Variants in C1orf87 observed in about 807,000 individuals in gnomAD.
C1orf87 encodes uncharacterized protein C1orf87.
In C1orf87, 58 loss-of-function variants were observed where a neutral mutation model predicts 60.5. The ratio of observed to expected loss-of-function variants is 0.96; its 90% CI spans 0.78 to 1.19. The LOEUF is 1.19. Ranked by LOEUF, C1orf87 falls within the 50% of genes most tolerant of loss-of-function variation. The pLI is 0.00. For missense variants in C1orf87, 673 were observed against 638.6 expected (o/e 1.05, Z -0.58); for synonymous variants, 236 against 227.4 (o/e 1.04, Z -0.34).
At chr1:60,004,184 C>A (rs1191519386) in intron 9 of C1orf87, among the ~76,000 whole-genome samples, 1 of 151,998 alleles carries the variant, frequency 6.6e-6, no homozygotes, top group East Asian at 1.9e-4. Context: ...AACAGACAGA[C>A]CTAACATCTA....
chr1:60,062,455 A>ACACAGTATC (rs1557480723), intron 2 of C1orf87, among the ~76,000 whole-genome samples: 4 of 152,206 alleles, frequency 2.6e-5, no homozygotes, highest in African/African-American at 9.6e-5. Context: ...ACTTTAAAAA[A>ACACAGTATC]CACAGTATCA....
intron 11 of C1orf87, among the ~76,000 whole-genome samples, chr1:59,992,279 AG>A (rs1239463083): frequency 6.6e-6 from 1 of 151,286 alleles, no homozygotes; most frequent in Non-Finnish European, 1.5e-5. Context: ...ATTTTGAGAC[AG>A]GGTCTTACTC....
intron 10 of C1orf87, among the ~76,000 whole-genome samples, chr1:59,999,723 G>A (rs1313435924): frequency 6.6e-6 from 1 of 152,016 alleles, no homozygotes; most frequent in Non-Finnish European, 1.5e-5. Flanking sequence ...TCTAGTTATT[G>A]CTTATCTACC....
intron 2 of C1orf87, among the ~76,000 whole-genome samples, chr1:60,067,556 TG>T (rs67008567): frequency 0.49 from 56,107 of 115,514 alleles, 14,117 homozygotes; most frequent in South Asian, 0.64. Context: ...CACTTTTTGA[TG>T]GGGTTTTTTT....
rs559224681 is a variant in C1orf87 at position 60,042,842 on chromosome 1, C to T, written c.343-1711G>A. On this transcript the variant is annotated intron_variant, in intron 3 of 11. Coordinates refer to ENST00000371201, the MANE Select transcript of C1orf87 (RefSeq NM_152377.3). Reference sequence around the variant, plus strand: ...TCAGCCCCTGCTCTCACAGAGTTTGCTGATGGTGGGAGGCATAGCAAGTAA... The same window carrying T: ...TCAGCCCCTGCTCTCACAGAGTTTGTTGATGGTGGGAGGCATAGCAAGTAA... Among the ~76,000 whole-genome samples the T allele has an allele frequency of 5.3e-5, 8 of 152,320 alleles. No homozygotes were observed. The East Asian group carries it at 1.5e-3, about 29-fold the overall frequency.
rs557277795 is a variant in C1orf87, at chr1:60,042,265, G to GT, written c.343-1135dup. Among the ~76,000 whole-genome samples, 70 of 151,912 alleles carry GT rather than the reference G, an allele frequency of 4.6e-4. No homozygotes were observed. In the South Asian group the frequency reaches 0.014, roughly 31 times the overall value. ...TTATTTATTTTTGAGACGGAGTCTT[G>GT]TTTTTTTTACCCGGGCTGGAGTGCA... On this transcript the variant is annotated intron_variant, in intron 3 of 11. Transcript: ENST00000371201.
At chr1:60,028,570 T>G (rs1328537263) in intron 7 of C1orf87, among the ~76,000 whole-genome samples, 1 of 152,216 alleles carries the variant, frequency 6.6e-6, no homozygotes, top group Non-Finnish European at 1.5e-5. Context: ...AAAATATCTG[T>G]TATTAAAAAA....
chr1:60,037,896 C>T, intron 6 of C1orf87, 96 bp downstream of exon 6: 1 of 687,374 alleles, frequency 1.5e-6, no homozygotes, highest in Non-Finnish European at 2.4e-6. Flanking sequence ...CATTTATATT[C>T]TTTATAAGCC....
rs886133282 is a variant in C1orf87, at chr1:59,990,464, A to C, written c.*209T>G. The C allele has an allele frequency of 2.4e-6, 1 of 419,440 alleles. No homozygotes were observed. The highest frequency in any genetic ancestry group is 4.1e-6 in the Non-Finnish European group (1 of 243,164). 26.0% of individuals were successfully genotyped at this position (419,440 alleles called of 1,614,324 possible). On this transcript the variant is annotated 3_prime_UTR_variant, in exon 12 of 12. Coordinates refer to ENST00000371201, the MANE Select transcript of C1orf87 (RefSeq NM_152377.3). The stretch of plus-strand genomic sequence containing the variant: ...AGCTGGGTTCTTGCCACATCAAAAG[A>C]TAAAACTAGGTTTCCTCTGATCACT...
intron 2 of C1orf87, among the ~76,000 whole-genome samples, chr1:60,062,398 A>T (rs1430528435): frequency 6.6e-6 from 1 of 152,192 alleles, no homozygotes. Flanking sequence ...TCATAGATAC[A>T]GATCTTATGC....
Position 60,023,418 on chromosome 1 carries a change from C to T in C1orf87, c.1127+1983G>A, listed in dbSNP as rs535615274. Reference sequence around the variant, plus strand: ...ACTGAGTTTTATTTTACATAGTGTCCGTATCTATGTCGTCAAGCTCATTTA... The same window carrying T: ...ACTGAGTTTTATTTTACATAGTGTCTGTATCTATGTCGTCAAGCTCATTTA... On this transcript the variant is annotated intron_variant, in intron 8 of 11. Transcript: ENST00000371201. Among the ~76,000 whole-genome samples, 7 of 152,078 alleles carry T rather than the reference C, an allele frequency of 4.6e-5. 1 individual carries two copies. In the South Asian group the frequency reaches 1.2e-3, roughly 27 times the overall value.
chr1:60,040,000 A>C lies in C1orf87; in HGVS notation c.664T>G (p.Phe222Val). The C allele has an allele frequency of 6.2e-7, 1 of 1,614,214 alleles. No homozygotes were observed. Among genetic ancestry groups the C allele is most frequent in the Non-Finnish European group, 8.5e-7 (1 of 1,180,020 alleles). ...TGTAGAGGGACTTCATGCTTCAAAAAGAGGCGGCTCAGCTGAGATTGGAGA... is the reference window on the plus strand; with the variant it reads ...TGTAGAGGGACTTCATGCTTCAAAACGAGGCGGCTCAGCTGAGATTGGAGA... ...FLLQSQLSRL[F>V]LKHEVPLQLP... The change falls in exon 5 of 12, where the codon TTT (phenylalanine) becomes GTT (valine). Residue 222 changes from phenylalanine (F) to valine (V), a missense_variant. Physicochemically the swap from Phe to Val is conservative, Grantham distance 50 (BLOSUM62 -1). Transcript: ENST00000371201.
At chr1:60,030,166 C>T (rs1276548625) in intron 7 of C1orf87, among the ~76,000 whole-genome samples, 1 of 152,182 alleles carries the variant, frequency 6.6e-6, no homozygotes, top group Non-Finnish European at 1.5e-5. Context: ...GTCTGTTGTC[C>T]TCAGTGCCTA....
intron 3 of C1orf87, among the ~76,000 whole-genome samples, chr1:60,054,227 T>G (rs1645436387): frequency 6.6e-6 from 1 of 152,194 alleles, no homozygotes; most frequent in Admixed American, 6.5e-5. Context: ...GTGTCACTCA[T>G]GTTTTGGGAA....
At chr1:60,000,999 A>C (rs550105961) in intron 10 of C1orf87, 78 bp downstream of exon 10, 2 of 1,163,830 alleles carry the variant, frequency 1.7e-6, no homozygotes, top group East Asian at 5.0e-5. Flanking sequence ...CACAGGAGAG[A>C]GCCCCATCCA....
At chr1:60,048,219 C>CA (rs771649446) in intron 3 of C1orf87, among the ~76,000 whole-genome samples, 1 of 152,174 alleles carries the variant, frequency 6.6e-6, no homozygotes, top group Non-Finnish European at 1.5e-5. Context: ...CCAGCCATGT[C>CA]ATGCACACCC....
At chr1:60,043,811 T>C (rs1175042105) in intron 3 of C1orf87, among the ~76,000 whole-genome samples, 1 of 152,166 alleles carries the variant, frequency 6.6e-6, no homozygotes. Context: ...TGAGAATTTA[T>C]GTGTTTCTAT....
At chr1:60,020,603 T>C (rs1001444298) in intron 8 of C1orf87, among the ~76,000 whole-genome samples, 4 of 152,208 alleles carry the variant, frequency 2.6e-5, no homozygotes, top group African/African-American at 9.6e-5. Flanking sequence ...CTCCTTTCTT[T>C]TGGCACATTT....
intron 8 of C1orf87, among the ~76,000 whole-genome samples, chr1:60,020,780 CTT>C (rs548492110): frequency 2.6e-4 from 40 of 152,254 alleles, no homozygotes; most frequent in African/African-American, 8.7e-4. Flanking sequence ...TGACTTAAGA[CTT>C]TGAGGGACTG....
Sources: gnomAD v4.1 joint callset for allele counts (sites outside exome capture counted in the v4.1 genomes callset) on GRCh38, gnomAD v4.1.1 for gene constraint, MANE v1.5 for transcripts, NCBI Gene and HGNC (gene_info 2026-07-23, HGNC 2026-07-21) for gene names.